The following GABPA variants were observed in gnomAD, a reference collection of about 807,000 sequenced individuals.
GABPA encodes GA binding protein transcription factor subunit alpha, also known as GA-binding protein alpha chain.
A neutral mutation model predicts 59.4 loss-of-function variants in GABPA; 4 were observed. The ratio of observed to expected loss-of-function variants is 0.07; its 90% CI spans 0.03 to 0.15. GABPA has a LOEUF of 0.15. GABPA is among the 10% of genes least tolerant of loss of function. The pLI, the probability that GABPA is intolerant of heterozygous loss-of-function variation, is 1.00. For missense variants in GABPA, 251 were observed against 543.8 expected, an observed-to-expected ratio of 0.46 and a Z score of 5.36; for synonymous variants, 164 against 183.1, an observed-to-expected ratio of 0.90 and a Z score of 0.84.
At chr21:25,744,713 C>G (rs2035316124) in intron 2 of GABPA, among the ~76,000 whole-genome samples, 1 of 151,830 alleles carries the variant, frequency 6.6e-6, no homozygotes, top group Non-Finnish European at 1.5e-5. Context: ...TTGAGCTGTC[C>G]TGATTATAAC....
At chr21:25,768,623 C>A (rs1186631026) in intron 9 of GABPA, among the ~76,000 whole-genome samples, 1 of 152,098 alleles carries the variant, frequency 6.6e-6, no homozygotes, top group South Asian at 2.1e-4. Context: ...AAATATGACT[C>A]CTGTGGTCTC....
chr21:25,757,849 A>ATTT lies in GABPA; in HGVS notation c.554-140_554-138dup, dbSNP rs60518912. On this transcript the variant is annotated intron_variant, in intron 5 of 9. Coordinates refer to ENST00000400075, the MANE Select transcript of GABPA (RefSeq NM_002040.4). ...GAGCTGAGGAAAAAATTACAGCATA[A>ATTT]TTTTTTTTTTTTTTTTTTTTTTTGC... Among the ~76,000 whole-genome samples, 261 of 108,682 alleles carry ATTT rather than the reference A, an allele frequency of 2.4e-3. 4 individuals are homozygous for ATTT. Among genetic ancestry groups the ATTT allele is most frequent in the African/African-American group, 8.2e-3 (226 of 27,396 alleles). The allele number at this position is 108,682 out of a possible 152,430, so 71.3% of individuals were successfully genotyped here.
chr21:25,755,271 A>G (rs1309920340), intron 5 of GABPA, among the ~76,000 whole-genome samples: 2 of 151,932 alleles, frequency 1.3e-5, no homozygotes, highest in African/African-American at 4.8e-5. Flanking sequence ...CTATATAGCC[A>G]GACTGTCTCC....
intron 5 of GABPA, among the ~76,000 whole-genome samples, chr21:25,754,765 C>T (rs2035593501): frequency 6.6e-6 from 1 of 152,114 alleles, no homozygotes; most frequent in South Asian, 2.1e-4. Flanking sequence ...GAATTAATCA[C>T]TTTAGGCCAG....
chr21:25,762,280 A>C, intron 6 of GABPA, 32 bp from the exon 7 acceptor site: 1 of 1,332,416 alleles, frequency 7.5e-7, no homozygotes, highest in East Asian at 2.3e-5. Context: ...TTTTGGTTTT[A>C]AATAAAAACA....
At chr21:25,768,110 T>C (rs1367091384) in intron 9 of GABPA, among the ~76,000 whole-genome samples, 1 of 152,078 alleles carries the variant, frequency 6.6e-6, no homozygotes, top group Non-Finnish European at 1.5e-5. Flanking sequence ...AGTGTGTGTT[T>C]AAATAAAGTC....
At chr21:25,743,384 A>G (rs1056473749) in intron 2 of GABPA, among the ~76,000 whole-genome samples, 1 of 152,208 alleles carries the variant, frequency 6.6e-6, no homozygotes, top group African/African-American at 2.4e-5. Flanking sequence ...GGAGTCTAGC[A>G]TGCATATATT....
intron 5 of GABPA, among the ~76,000 whole-genome samples, chr21:25,755,609 G>C (rs2035617511): frequency 6.6e-6 from 1 of 152,096 alleles, no homozygotes; most frequent in Non-Finnish European, 1.5e-5. Context: ...AGGAGGTAGA[G>C]AAGGTGGAGA....
At chr21:25,765,207 C>G (rs2035862096) in intron 9 of GABPA, among the ~76,000 whole-genome samples, 1 of 151,998 alleles carries the variant, frequency 6.6e-6, no homozygotes, top group African/African-American at 2.4e-5. Context: ...TTGATACAAA[C>G]TCTCCGTAAG....
chr21:25,734,983 G>A lies in GABPA; in HGVS notation c.-622G>A. ...TGGGCCGCCGTTTCAGTCGGTCGAC[G>A]CTCACCGGACAGGAAGCGTCTCGGA... On this transcript the variant is annotated 5_prime_UTR_variant, in exon 1 of 10. Transcript: ENST00000400075. The A allele has an allele frequency of 1.3e-6, 2 of 1,558,380 alleles. No homozygotes were observed. Among genetic ancestry groups the A allele is most frequent in the Non-Finnish European group, 1.7e-6 (2 of 1,153,296 alleles).
intron 9 of GABPA, among the ~76,000 whole-genome samples, chr21:25,767,401 C>T (rs1304478953): frequency 1.3e-5 from 2 of 151,552 alleles, no homozygotes; most frequent in African/African-American, 4.8e-5. Context: ...AAATCATATC[C>T]ATGAAATACA....
chr21:25,753,907 C>T (rs191304644), intron 5 of GABPA, among the ~76,000 whole-genome samples: 3 of 152,136 alleles, frequency 2.0e-5, no homozygotes, highest in Admixed American at 1.3e-4. Context: ...CCACTGTTTT[C>T]CCTAGGACAT....
At position 25,759,147 on chromosome 21, in the gene GABPA, T is replaced by C. The variant is rs796205711; in HGVS notation, c.748+943T>C. On this transcript the variant is annotated intron_variant, in intron 6 of 9. Transcript: ENST00000400075. Reference sequence around the variant, plus strand: ...AGGCACAAATGTAAATTATTTTTGCTTGAATTTTAATCCATCTTATATTTC... The same window carrying C: ...AGGCACAAATGTAAATTATTTTTGCCTGAATTTTAATCCATCTTATATTTC... 6.6e-5 allele frequency among the ~76,000 whole-genome samples: 10 copies of C among 152,296 alleles called. 1 individual carries two copies. Among genetic ancestry groups the C allele is most frequent in the African/African-American group, 2.4e-4 (10 of 41,554 alleles).
At chr21:25,753,724 A>T (rs1477804227) in intron 5 of GABPA, among the ~76,000 whole-genome samples, 1 of 152,196 alleles carries the variant, frequency 6.6e-6, no homozygotes, top group African/African-American at 2.4e-5. Flanking sequence ...GATGAGGAAG[A>T]ATGCTGGGGT....
Position 25,769,579 on chromosome 21 carries a change from C to G in GABPA, c.*347C>G, listed in dbSNP as rs1166246795. On this transcript the variant is annotated 3_prime_UTR_variant, in exon 10 of 10. Coordinates refer to ENST00000400075, the MANE Select transcript of GABPA (RefSeq NM_002040.4). ...AAAATGAAAAATAAATGAAGTATCT[C>G]TAGGAAACAGTCTGGCTTAACTATT... 2 of 173,990 alleles carry G rather than the reference C, an allele frequency of 1.1e-5. No individual in the cohort carries two copies. Among genetic ancestry groups the G allele is most frequent in the African/African-American group, 4.8e-5 (2 of 41,952 alleles). 10.8% of individuals were successfully genotyped at this position (173,990 alleles called of 1,614,324 possible).
At chr21:25,736,928 C>G (rs930396622) in intron 1 of GABPA, among the ~76,000 whole-genome samples, 1 of 152,114 alleles carries the variant, frequency 6.6e-6, no homozygotes, top group African/African-American at 2.4e-5. Context: ...GGAAAATGTG[C>G]AGTTAATCTC....
chr21:25,748,244 A>G (rs2035418048), intron 3 of GABPA, among the ~76,000 whole-genome samples: 1 of 152,172 alleles, frequency 6.6e-6, no homozygotes, highest in African/African-American at 2.4e-5. Flanking sequence ...AGTTAGATTC[A>G]TAGTCATTTG....
chr21:25,751,849 C>T, intron 4 of GABPA, 140 bp from the exon 5 acceptor site: 1 of 777,242 alleles, frequency 1.3e-6, no homozygotes, highest in South Asian at 2.0e-5. Flanking sequence ...CACCCAGATT[C>T]CCCAAATGTT....
intron 5 of GABPA, among the ~76,000 whole-genome samples, chr21:25,756,974 A>C (rs556190226): frequency 1.3e-5 from 2 of 152,220 alleles, no homozygotes; most frequent in South Asian, 4.1e-4. Context: ...AGGCTAGGGC[A>C]CCTCTGTTCC....
Sources: gnomAD v4.1 joint callset for allele counts (sites outside exome capture counted in the v4.1 genomes callset) on GRCh38, gnomAD v4.1.1 for gene constraint, MANE v1.5 for transcripts, NCBI Gene and HGNC (gene_info 2026-07-23, HGNC 2026-07-21) for gene names.